Variants in DCX observed in about 807,000 individuals in gnomAD.
DCX encodes neuronal migration protein doublecortin.
In DCX, 4 loss-of-function variants were observed where a neutral mutation model predicts 20.9. That is an observed-to-expected ratio of 0.19 (90% confidence interval 0.09 to 0.44). DCX has a LOEUF of 0.44. DCX is among the 20% of genes least tolerant of loss of function. DCX has a pLI of 0.99. For synonymous variants in DCX, 103 were observed against 111.4 expected, an observed-to-expected ratio of 0.92 and a Z score of 0.47; for missense variants, 133 against 296.9, an observed-to-expected ratio of 0.45 and a Z score of 4.06.
rs887391388 is a variant in DCX, at chrX:111,297,022, G to C, written c.*4665C>G. On this transcript the variant is annotated 3_prime_UTR_variant, in exon 7 of 7. Transcript: ENST00000636035. The stretch of plus-strand genomic sequence containing the variant: ...GGCAACATTCTCATGCCTCACCCCA[G>C]ATGAGCTCCAAAACACTTATGGTTC... 3 of 111,440 alleles carry C rather than the reference G, an allele frequency of 2.7e-5. No individual in the cohort carries two copies. The highest frequency in any genetic ancestry group is 9.8e-5 in the African/African-American group (3 of 30,595). The allele number at this position is 111,440 out of a possible 1,213,427, so 9.2% of individuals were successfully genotyped here. A position where few individuals can be genotyped will look rare whatever the true frequency, so the allele number is the denominator to read the frequency against.
In DCX at chrX:111,388,197, AG is replaced by A. The variant is rs780148594; in HGVS notation, c.705+12792del. 6.3e-4 allele frequency among the ~76,000 whole-genome samples: 71 copies of A among 111,832 alleles called. 1 individual carries two copies. In the East Asian group the frequency reaches 0.01, roughly 16 times the overall value. On this transcript the variant is annotated intron_variant, in intron 3 of 6. Transcript: ENST00000636035. ...TTGGGGGACTATTCAAACATCTTCTAGAAAATTTGCCCCTTTTGTTCAATTT... is the reference window on the plus strand; with the variant it reads ...TTGGGGGACTATTCAAACATCTTCTAAAAATTTGCCCCTTTTGTTCAATTT...
At position 111,298,569 on chromosome X, in the gene DCX, C is replaced by T. The variant is rs914643276; in HGVS notation, c.*3118G>A. 2 of 111,702 alleles carry T rather than the reference C, an allele frequency of 1.8e-5. No homozygotes were observed. The highest frequency in any genetic ancestry group is 6.5e-5 in the African/African-American group (2 of 30,582). 9.2% of individuals were successfully genotyped at this position (111,702 alleles called of 1,213,427 possible). A position where few individuals can be genotyped will look rare whatever the true frequency, so the allele number is the denominator to read the frequency against. ...AGAGCCAGGAGATGTGGGTTGTAAACCCAATCCTGCCCCAGCCAGCTGTGT... is the reference window on the plus strand; with the variant it reads ...AGAGCCAGGAGATGTGGGTTGTAAATCCAATCCTGCCCCAGCCAGCTGTGT... On this transcript the variant is annotated 3_prime_UTR_variant, in exon 7 of 7. Coordinates refer to ENST00000636035, the MANE Select transcript of DCX (RefSeq NM_001195553.2).
At chrX:111,357,268 A>G (rs1047149667) in intron 3 of DCX, among the ~76,000 whole-genome samples, 5 of 111,692 alleles carry the variant, frequency 4.5e-5, no homozygotes, top group African/African-American at 1.6e-4. Flanking sequence ...CCACTAAGTA[A>G]CTATGTAACC....
chrX:111,360,750 A>G (rs911354354), intron 3 of DCX, among the ~76,000 whole-genome samples: 1 of 111,383 alleles, frequency 9.0e-6, no homozygotes, highest in Non-Finnish European at 1.9e-5. Flanking sequence ...ACTAAAAATT[A>G]ATTAAAAAAT....
intron 3 of DCX, among the ~76,000 whole-genome samples, chrX:111,335,898 G>A (rs1175725962): frequency 9.3e-6 from 1 of 107,636 alleles, no homozygotes; most frequent in Admixed American, 9.9e-5. Context: ...AGATTGCAGT[G>A]AGCCGAGATC....
At chrX:111,335,953 AAAAGAAAGAAAG>A (rs763672409) in intron 3 of DCX, among the ~76,000 whole-genome samples, 1 of 111,421 alleles carries the variant, frequency 9.0e-6, no homozygotes, top group South Asian at 3.8e-4. Context: ...ACTCCGAAAA[AAAAGAAAGAAAG>A]AAAGAAAGAA....
chrX:111,347,853 C>T (rs1347992781), intron 3 of DCX, among the ~76,000 whole-genome samples: 1 of 111,931 alleles, frequency 8.9e-6, no homozygotes, highest in African/African-American at 3.2e-5. Context: ...TCTCCTCTCC[C>T]CATTTTAGAA....
chrX:111,314,593 G>A (rs781633582), intron 5 of DCX, among the ~76,000 whole-genome samples: 2 of 111,730 alleles, frequency 1.8e-5, no homozygotes, highest in African/African-American at 6.5e-5. Flanking sequence ...GTTTTCTTTG[G>A]GGAAGGCAAA....
intron 5 of DCX, among the ~76,000 whole-genome samples, chrX:111,314,810 G>T (rs1307211876): frequency 8.9e-6 from 1 of 111,874 alleles, no homozygotes; most frequent in Non-Finnish European, 1.9e-5. Context: ...CATTAGAATT[G>T]CCAACATCCT....
intron 3 of DCX, among the ~76,000 whole-genome samples, chrX:111,335,802 C>T (rs1921670216): frequency 9.1e-6 from 1 of 110,397 alleles, no homozygotes; most frequent in Non-Finnish European, 1.9e-5. Flanking sequence ...AAAAACTAGT[C>T]CGGCGTGGTG....
chrX:111,341,200 A>C (rs1353595773), intron 3 of DCX, among the ~76,000 whole-genome samples: 1 of 109,900 alleles, frequency 9.1e-6, no homozygotes, highest in Non-Finnish European at 1.9e-5. Context: ...GGAGCTGAAC[A>C]ACACAGCACG....
At position 111,301,516 on chromosome X, in the gene DCX, A is replaced by T; in HGVS notation, c.*171T>A. The T allele has an allele frequency of 1.9e-6, 1 of 532,045 alleles. No individual in the cohort carries two copies. Among genetic ancestry groups the T allele is most frequent in the Non-Finnish European group, 3.4e-6 (1 of 296,609 alleles). 43.8% of individuals were successfully genotyped at this position (532,045 alleles called of 1,213,427 possible). A position where few individuals can be genotyped will look rare whatever the true frequency, so the allele number is the denominator to read the frequency against. On this transcript the variant is annotated 3_prime_UTR_variant, in exon 7 of 7. Coordinates refer to ENST00000636035, the MANE Select transcript of DCX (RefSeq NM_001195553.2). ...ACTGTGGATCAGTGGCCCAGAGGAG[A>T]AATCACAGGAAAATAAACCCAACAT...
chrX:111,322,811 T>C (rs1249619424), intron 5 of DCX, among the ~76,000 whole-genome samples: 2 of 112,627 alleles, frequency 1.8e-5, no homozygotes, highest in South Asian at 3.7e-4. Flanking sequence ...CCAAATTCAA[T>C]TGTAGGTTGT....
chrX:111,385,165 A>C (rs1926289676), intron 3 of DCX, among the ~76,000 whole-genome samples: 1 of 112,471 alleles, frequency 8.9e-6, no homozygotes, highest in Admixed American at 9.4e-5. Context: ...AAACTGTGTG[A>C]GCCAATTTCA....
At chrX:111,382,650 G>C (rs1926067958) in intron 3 of DCX, among the ~76,000 whole-genome samples, 1 of 111,644 alleles carries the variant, frequency 9.0e-6, no homozygotes. Flanking sequence ...TGGGGGAAGG[G>C]AGAGATACAA....
At chrX:111,365,558 A>C (rs913409277) in intron 3 of DCX, among the ~76,000 whole-genome samples, 16 of 110,750 alleles carry the variant, frequency 1.4e-4, no homozygotes, top group Non-Finnish European at 2.8e-4. Context: ...TGTGGTATCA[A>C]ATAGTAGTTC....
intron 3 of DCX, among the ~76,000 whole-genome samples, chrX:111,385,788 G>A (rs190509115): frequency 1.9e-4 from 2 of 10,283 alleles, no homozygotes; most frequent in East Asian, 7.0e-3. Context: ...AGGGAGGGAA[G>A]GAAGGAAGGA....
At chrX:111,411,127 CG>C in intron 1 of DCX, 1 of 478,564 alleles carries the variant, frequency 2.1e-6, no homozygotes, top group African/African-American at 2.4e-5. Flanking sequence ...TGCAGCTATC[CG>C]ACATTCATAA....
At chrX:111,314,989 T>G (rs1026972339) in intron 5 of DCX, among the ~76,000 whole-genome samples, 2 of 109,832 alleles carry the variant, frequency 1.8e-5, no homozygotes, top group Non-Finnish European at 3.8e-5. Context: ...GTCAATTTTG[T>G]CTTTTGTTGC....
Sources: allele counts gnomAD v4.1 joint callset (sites outside exome capture counted in the v4.1 genomes callset), GRCh38; gene constraint gnomAD v4.1.1; transcripts MANE v1.5; gene names NCBI Gene and HGNC (gene_info 2026-07-23, HGNC 2026-07-21).